ITGA4: variants seen among roughly 807,000 people sequenced by gnomAD.
ITGA4 encodes integrin subunit alpha 4, also known as integrin alpha-4.
In ITGA4, 63 loss-of-function variants were observed where a neutral mutation model predicts 133.6. That is an observed-to-expected ratio of 0.47 (90% CI 0.38 to 0.58). ITGA4 has a LOEUF of 0.58. Among genes scored for constraint, ITGA4 ranks in the 20% least tolerant of loss-of-function variants. The pLI is 0.00. For synonymous variants in ITGA4, 483 were observed against 438.0 expected, an observed-to-expected ratio of 1.10 and a Z score of -1.28; for missense variants, 1,076 against 1,252.7, an observed-to-expected ratio of 0.86 and a Z score of 2.13.
chr2:181,499,698 T>G (rs1324594399), intron 15 of ITGA4, among the ~76,000 whole-genome samples: 1 of 152,224 alleles, frequency 6.6e-6, no homozygotes, highest in African/African-American at 2.4e-5. Flanking sequence ...AGAATAAACC[T>G]ATTAGATGGT....
intron 21 of ITGA4, among the ~76,000 whole-genome samples, chr2:181,527,027 G>T (rs2105768889): frequency 6.6e-6 from 1 of 151,266 alleles, no homozygotes; most frequent in South Asian, 2.1e-4. Flanking sequence ...GTAGAGATTG[G>T]GTTTCACCAC....
At chr2:181,531,576 TATTAA>T in intron 24 of ITGA4, 76 bp from the exon 25 acceptor site, 1 of 645,692 alleles carries the variant, frequency 1.5e-6, no homozygotes, top group South Asian at 3.3e-5. Context: ...TTAGAGTATA[TATTAA>T]ATTCTATATA....
intron 2 of ITGA4, among the ~76,000 whole-genome samples, chr2:181,473,997 A>G (rs1369058913): frequency 1.3e-5 from 2 of 152,176 alleles, no homozygotes; most frequent in Non-Finnish European, 2.9e-5. Context: ...TCCTTATCCA[A>G]TCAAATTGAT....
chr2:181,526,426 C>G (rs1042486224), intron 21 of ITGA4, among the ~76,000 whole-genome samples: 1 of 152,150 alleles, frequency 6.6e-6, no homozygotes, highest in Non-Finnish European at 1.5e-5. Flanking sequence ...GAGTAGAGAT[C>G]TCCCTAGAAA....
intron 4 of ITGA4, among the ~76,000 whole-genome samples, chr2:181,478,235 A>T (rs867584469): frequency 6.6e-6 from 1 of 152,044 alleles, no homozygotes; most frequent in African/African-American, 2.4e-5. Context: ...TTGGTGAAAG[A>T]TGTTGGCATT....
chr2:181,478,066 T>C (rs1685717677), intron 4 of ITGA4, among the ~76,000 whole-genome samples: 1 of 152,080 alleles, frequency 6.6e-6, no homozygotes, highest in Admixed American at 6.6e-5. Context: ...ATTCTGACTT[T>C]TGTGACAACA....
intron 17 of ITGA4, among the ~76,000 whole-genome samples, chr2:181,521,048 T>C: frequency 6.6e-6 from 1 of 151,852 alleles, no homozygotes; most frequent in Admixed American, 6.6e-5. Flanking sequence ...AATGACACAA[T>C]TTAAACATTA....
rs1418593994 is a variant in ITGA4, at chr2:181,509,655, TAGAA to T, written c.1697_1700del (p.Lys566MetfsTer45). On this transcript the variant is annotated splice_acceptor_variant and coding_sequence_variant, in exon 16 of 28. Coordinates refer to ENST00000397033, the MANE Select transcript of ITGA4 (RefSeq NM_000885.6). LOFTEE classifies it high-confidence loss of function. ...TAATTCATATGGTGGTTATTTTCCT[TAGAA>T]AGATGTGCGGGACATCCTCACCCCA... 2 of 1,571,154 alleles carry T rather than the reference TAGAA, an allele frequency of 1.3e-6. No homozygotes were observed. The highest frequency in any genetic ancestry group is 8.6e-7 in the Non-Finnish European group (1 of 1,164,928).
intron 9 of ITGA4, among the ~76,000 whole-genome samples, chr2:181,483,615 G>A (rs12479308): frequency 0.16 from 24,724 of 152,084 alleles, 2,239 homozygotes; most frequent in Middle Eastern, 0.24. Context: ...CTCTAAGTTT[G>A]CAATATAGAG....
chr2:181,475,859 G>T, intron 4 of ITGA4: 1 of 1,602,432 alleles, frequency 6.2e-7, no homozygotes, highest in Non-Finnish European at 8.5e-7. Flanking sequence ...TAACAGAAGT[G>T]AGCAGAATTG....
chr2:181,536,577 G>A lies in ITGA4; in HGVS notation c.*1050G>A, dbSNP rs200865284. ...TATAAGTGTTACCTTACATGGAAAC[G>A]AAGAAACAAAATTCATAAATTTAAA... On this transcript the variant is annotated 3_prime_UTR_variant, in exon 28 of 28. Transcript: ENST00000397033. 2.5e-4 allele frequency: 24 copies of A among 97,686 alleles called. No homozygotes were observed. Among genetic ancestry groups the A allele is most frequent in the African/African-American group, 9.3e-4 (20 of 21,584 alleles). 6.1% of individuals were successfully genotyped at this position (97,686 alleles called of 1,614,324 possible).
chr2:181,536,525 A>T lies in ITGA4; in HGVS notation c.*998A>T. 8.8e-6 allele frequency: 1 copy of T among 113,192 alleles called. No homozygotes were observed. The highest frequency in any genetic ancestry group is 1.9e-5 in the Non-Finnish European group (1 of 53,382). The allele number at this position is 113,192 out of a possible 1,614,324, so 7.0% of individuals were successfully genotyped here. ...GACTATCACACAACTATTTCCTTGGATGTAATTCTTTGTTACCCTTTACAA... is the reference window on the plus strand; with the variant it reads ...GACTATCACACAACTATTTCCTTGGTTGTAATTCTTTGTTACCCTTTACAA... On this transcript the variant is annotated 3_prime_UTR_variant, in exon 28 of 28. Coordinates refer to ENST00000397033, the MANE Select transcript of ITGA4 (RefSeq NM_000885.6).
chr2:181,490,425 C>T (rs1223880718), intron 10 of ITGA4, among the ~76,000 whole-genome samples: 2 of 149,822 alleles, frequency 1.3e-5, no homozygotes, highest in Non-Finnish European at 3.0e-5. Flanking sequence ...CCACCAGTTC[C>T]ATCCCTGTTG....
chr2:181,487,921 A>G (rs1014843116), intron 10 of ITGA4, among the ~76,000 whole-genome samples: 2 of 152,242 alleles, frequency 1.3e-5, no homozygotes, highest in African/African-American at 4.8e-5. Flanking sequence ...TGTGTGTTGT[A>G]TGAGACAACC....
At chr2:181,529,508 T>G in intron 22 of ITGA4, 33 bp from the exon 23 acceptor site, 1 of 1,069,940 alleles carries the variant, frequency 9.3e-7, no homozygotes, top group Non-Finnish European at 1.4e-6. Context: ...TAGAAAACAT[T>G]TAATTTGTTA....
intron 6 of ITGA4, among the ~76,000 whole-genome samples, chr2:181,481,390 AC>A (rs1343808902): frequency 4.6e-5 from 7 of 152,226 alleles, no homozygotes; most frequent in African/African-American, 1.7e-4. Context: ...GGAAATACAT[AC>A]CATATGACTG....
intron 4 of ITGA4, among the ~76,000 whole-genome samples, chr2:181,478,482 C>G (rs1685732234): frequency 6.6e-6 from 1 of 152,004 alleles, no homozygotes; most frequent in Non-Finnish European, 1.5e-5. Context: ...ATCACAAATC[C>G]TACCTCTGTC....
intron 17 of ITGA4, 62 bp from the exon 18 acceptor site, chr2:181,522,129 A>T (rs1419402921): frequency 3.0e-6 from 3 of 999,600 alleles, no homozygotes; most frequent in Non-Finnish European, 4.5e-6. Context: ...CCTTGTATGC[A>T]TATAAGAGAG....
At chr2:181,501,022 G>T (rs1468638202) in intron 15 of ITGA4, among the ~76,000 whole-genome samples, 1 of 152,164 alleles carries the variant, frequency 6.6e-6, no homozygotes, top group African/African-American at 2.4e-5. Flanking sequence ...GCTTCATTCA[G>T]AAAGTGACAT....
Sources: allele counts gnomAD v4.1 joint callset (sites outside exome capture counted in the v4.1 genomes callset), GRCh38; gene constraint gnomAD v4.1.1; transcripts MANE v1.5; gene names NCBI Gene and HGNC (gene_info 2026-07-23, HGNC 2026-07-21).